CSF3: variants seen among roughly 807,000 people sequenced by gnomAD.
CSF3 encodes the protein colony stimulating factor 3, also known as granulocyte colony-stimulating factor.
CSF3 carries 17 observed loss-of-function variants against 20.2 expected under a neutral mutation model. The observed-to-expected ratio is 0.84, with a 90% CI of 0.58 to 1.26. CSF3 has a LOEUF of 1.26. Among genes scored for constraint, CSF3 ranks in the 50% most tolerant of loss-of-function variants. CSF3 has a pLI of 0.00. For missense variants in CSF3, 210 were observed against 256.0 expected (o/e 0.82, Z 1.23); for synonymous variants, 125 against 115.3 (o/e 1.08, Z -0.54).
At chr17:40,015,984 G>T in intron 2 of CSF3, 139 bp downstream of exon 2, 1 of 1,315,464 alleles carries the variant, frequency 7.6e-7, no homozygotes, top group Non-Finnish European at 1.0e-6. Context: ...GCTGGGAAGG[G>T]ACTTGGGGAG....
chr17:40,016,790 C>G lies in CSF3; in HGVS notation c.451-5C>G, dbSNP rs202204611. The G allele has an allele frequency of 1.8e-4, 291 of 1,612,922 alleles. No individual in the cohort carries two copies. The highest frequency in any genetic ancestry group is 2.3e-4 in the Non-Finnish European group (268 of 1,180,032). On this transcript the variant is annotated splice_region_variant and splice_polypyrimidine_tract_variant and intron_variant, in intron 4 of 4. Coordinates refer to ENST00000394149, the MANE Select transcript of CSF3 (RefSeq NM_172219.3). ...CCAACCACTGATCACAGCTTTCCCC[C>G]ACAGATGGAAGAACTGGGAATGGCC...
chr17:40,016,379 A>G, intron 3 of CSF3, 39 bp downstream of exon 3: 1 of 1,604,206 alleles, frequency 6.2e-7, no homozygotes, highest in Non-Finnish European at 8.5e-7. Flanking sequence ...GAGGAGGGGG[A>G]AGGAGAGGAG....
chr17:40,015,600 T>C, intron 1 of CSF3, 86 bp downstream of exon 1: 1 of 1,547,090 alleles, frequency 6.5e-7, no homozygotes. Flanking sequence ...GGATCCCCGT[T>C]CTGGGAATGG....
In CSF3 at chr17:40,017,071, T is replaced by C; in HGVS notation, c.*112T>C. 1 of 1,042,100 alleles carries C rather than the reference T, an allele frequency of 9.6e-7. No homozygotes were observed. The highest frequency in any genetic ancestry group is 1.3e-6 in the Non-Finnish European group (1 of 753,456). The allele number at this position is 1,042,100 out of a possible 1,614,324, so 64.6% of individuals were successfully genotyped here. The stretch of plus-strand genomic sequence containing the variant: ...ACGGAGCCCCAGGCCTCTGTGTCCT[T>C]CCCTGCATTTCTGAGTTTCATTCTC... On this transcript the variant is annotated 3_prime_UTR_variant, in exon 5 of 5. Transcript: ENST00000394149.
At position 40,015,444 on chromosome 17, in the gene CSF3, C is replaced by A. The variant is rs577491415; in HGVS notation, c.-31C>A. On this transcript the variant is annotated 5_prime_UTR_variant, in exon 1 of 5. Transcript: ENST00000394149. Reference sequence around the variant, plus strand: ...CCTAGAGCTGGGCCCCAAAACAGCCCGGAGCCTGCAGCCCAGCCCCACCCA... The same window carrying A: ...CCTAGAGCTGGGCCCCAAAACAGCCAGGAGCCTGCAGCCCAGCCCCACCCA... 3 of 1,547,500 alleles carry A rather than the reference C, an allele frequency of 1.9e-6. No homozygotes were observed. In the African/African-American group the frequency reaches 4.1e-5, roughly 21 times the overall value.
Position 40,016,572 on chromosome 17 carries a change from C to G in CSF3, c.391C>G (p.Pro131Ala), listed in dbSNP as rs987955582. The G allele has an allele frequency of 1.2e-6, 2 of 1,614,170 alleles. No individual in the cohort carries two copies. The highest frequency in any genetic ancestry group is 2.7e-5 in the African/African-American group (2 of 75,052). The part of the protein sequence containing the change: ...ALEGISPELG[P>A]TLDTLQLDVA... Reference sequence around the variant, plus strand: ...GGAAGGGATCTCCCCCGAGTTGGGTCCCACCTTGGACACACTGCAGCTGGA... The same window carrying G: ...GGAAGGGATCTCCCCCGAGTTGGGTGCCACCTTGGACACACTGCAGCTGGA... Residue 131 changes from proline to alanine, a missense_variant, in exon 4 of 5, where the codon CCC becomes GCC. Physicochemically the swap from Pro to Ala is conservative, Grantham distance 27. Transcript: ENST00000394149.
At chr17:40,015,970 G>C in intron 2 of CSF3, 125 bp downstream of exon 2, 1 of 1,371,184 alleles carries the variant, frequency 7.3e-7, no homozygotes, top group Non-Finnish European at 9.8e-7. Flanking sequence ...TGGAGCTGGG[G>C]AAGGCTGGGA....
In CSF3 at chr17:40,016,531, G is replaced by T; in HGVS notation, c.350G>T (p.Gly117Val). The T allele has an allele frequency of 6.2e-7, 1 of 1,614,182 alleles. No homozygotes were observed. Among genetic ancestry groups the T allele is most frequent in the Non-Finnish European group, 8.5e-7 (1 of 1,180,020 alleles). The part of the protein sequence containing the change: ...QLHSGLFLYQ[G>V]LLQALEGISP... ...CATAGCGGCCTTTTCCTCTACCAGGGGCTCCTGCAGGCCCTGGAAGGGATC... is the reference window on the plus strand; with the variant it reads ...CATAGCGGCCTTTTCCTCTACCAGGTGCTCCTGCAGGCCCTGGAAGGGATC... Residue 117 changes from glycine (G) to valine (V), a missense_variant, in exon 4 of 5, where the codon GGG (glycine) becomes GTG (valine). By Grantham distance (109) the Gly-to-Val change is moderately radical. Transcript: ENST00000394149.
chr17:40,016,490 C>G lies in CSF3; in HGVS notation c.309C>G (p.Gly103=), dbSNP rs752567650. ...SCPSQALQLA[G]CLSQLHSGLF... The stretch of plus-strand genomic sequence containing the variant: ...TCTTCCGCTCTGTCTCACAGGCAGG[C>G]TGCTTGAGCCAACTCCATAGCGGCC... Residue 103 remains glycine (G), a synonymous_variant, in exon 4 of 5, where the codon GGC becomes GGG. Transcript: ENST00000394149. The G allele has an allele frequency of 2.5e-6, 4 of 1,614,164 alleles. No homozygotes were observed. The highest frequency in any genetic ancestry group is 2.2e-5 in the South Asian group (2 of 91,090).
rs142286142 is a variant in CSF3, at chr17:40,016,567, T to C, written c.386T>C (p.Leu129Ser). The C allele has an allele frequency of 1.2e-3, 1,902 of 1,614,192 alleles. 1 individual carries two copies. Among genetic ancestry groups the C allele is most frequent in the Non-Finnish European group, 1.5e-3 (1,807 of 1,180,024 alleles). ...GCCCTGGAAGGGATCTCCCCCGAGT[T>C]GGGTCCCACCTTGGACACACTGCAG... is the stretch of plus-strand genomic sequence containing the variant. ...LQALEGISPE[L>S]GPTLDTLQLD... The change falls in exon 4 of 5, where the codon TTG (leucine) becomes TCG (serine). Residue 129 changes from leucine to serine, a missense_variant. Coordinates refer to ENST00000394149, the MANE Select transcript of CSF3 (RefSeq NM_172219.3).
chr17:40,015,517 G>A lies in CSF3; in HGVS notation c.40+3G>A, dbSNP rs1438127673. 3.2e-6 allele frequency: 5 copies of A among 1,551,130 alleles called. No individual in the cohort carries two copies. In the South Asian group the frequency reaches 3.6e-5, roughly 11 times the overall value. The stretch of plus-strand genomic sequence containing the variant: ...CCAGAGCCCCATGAAGCTGATGGGT[G>A]AGTGTCTTGGCCCAGGATGGGAGAG... On this transcript the variant is annotated splice_donor_region_variant and intron_variant, in intron 1 of 4. Coordinates refer to ENST00000394149, the MANE Select transcript of CSF3 (RefSeq NM_172219.3).
Position 40,016,332 on chromosome 17 carries a change from C to G in CSF3, c.295C>G (p.Leu99Val). The change falls in exon 3 of 5, where the codon CTG becomes GTG. Residue 99 changes from leucine to valine, a missense_variant. Physicochemically the swap from Leu to Val is conservative, Grantham distance 32. Coordinates refer to ENST00000394149, the MANE Select transcript of CSF3 (RefSeq NM_172219.3). ...APLSSCPSQA[L>V]QLAGCLSQLH... ...CCTGAGCAGCTGCCCCAGCCAGGCC[C>G]TGCAGCTGGTGAGTGTCAGGAAAGG... 13 of 1,612,616 alleles carry G rather than the reference C, an allele frequency of 8.1e-6. No homozygotes were observed. Among genetic ancestry groups the G allele is most frequent in the Non-Finnish European group, 1.1e-5 (13 of 1,179,216 alleles).
Position 40,017,438 on chromosome 17 carries a change from GC to G in CSF3, c.*480del, listed in dbSNP as rs1025437804. The G allele has an allele frequency of 1.3e-5, 2 of 153,476 alleles. No homozygotes were observed. The highest frequency in any genetic ancestry group is 4.8e-5 in the African/African-American group (2 of 41,508). The allele number at this position is 153,476 out of a possible 1,614,324, so 9.5% of individuals were successfully genotyped here. A position where few individuals can be genotyped will look rare whatever the true frequency, so the allele number is the denominator to read the frequency against. ...CCCTGGACAAGCAGAGGTGGCCAGA[GC>G]TGGGAGGCATGGCCCTGGGGTCCCA... On this transcript the variant is annotated 3_prime_UTR_variant, in exon 5 of 5. Transcript: ENST00000394149.
rs115072936 is a variant in CSF3 at position 40,015,592 on chromosome 17, A to G, written c.40+78A>G. On this transcript the variant is annotated intron_variant, in intron 1 of 4. Coordinates refer to ENST00000394149, the MANE Select transcript of CSF3 (RefSeq NM_172219.3). ...GGCTGGTGTGACAGAGGGGCTGGGG[A>G]TCCCCGTTCTGGGAATGGGGATTAA... 8.5e-4 allele frequency: 1,316 copies of G among 1,547,364 alleles called. 12 individuals carry two copies. The African/African-American group carries it at 0.016, about 19-fold the overall frequency.
rs750551936 is a variant in CSF3, at chr17:40,015,801, G to C, written c.151G>C (p.Val51Leu). 5.6e-6 allele frequency: 9 copies of C among 1,612,014 alleles called. No individual in the cohort carries two copies. Among genetic ancestry groups the C allele is most frequent in the Non-Finnish European group, 7.6e-6 (9 of 1,179,104 alleles). Residue 51 changes from valine to leucine, a missense_variant, in exon 2 of 5, where the codon GTG becomes CTG. Val to Leu is a conservative substitution (Grantham distance 32). Coordinates refer to ENST00000394149, the MANE Select transcript of CSF3 (RefSeq NM_172219.3). Reference sequence around the variant, plus strand: ...CTTCCTGCTCAAGTGCTTAGAGCAAGTGAGGAAGATCCAGGGCGATGGCGC... The same window carrying C: ...CTTCCTGCTCAAGTGCTTAGAGCAACTGAGGAAGATCCAGGGCGATGGCGC... ...QSFLLKCLEQ[V>L]RKIQGDGAAL...
chr17:40,016,096 G>A (rs1981364403), intron 2 of CSF3, 137 bp from the exon 3 acceptor site: 1 of 812,646 alleles, frequency 1.2e-6, no homozygotes, highest in Non-Finnish European at 1.9e-6. Flanking sequence ...ATCAGAGAGT[G>A]GGGGTGCAGG....
In CSF3 at chr17:40,016,359, T is replaced by C; in HGVS notation, c.303+19T>C. 1 of 1,611,110 alleles carries C rather than the reference T, an allele frequency of 6.2e-7. No individual in the cohort carries two copies. Among genetic ancestry groups the C allele is most frequent in the Non-Finnish European group, 8.5e-7 (1 of 1,178,110 alleles). On this transcript the variant is annotated intron_variant, in intron 3 of 4. Coordinates refer to ENST00000394149, the MANE Select transcript of CSF3 (RefSeq NM_172219.3). The stretch of plus-strand genomic sequence containing the variant: ...GCAGCTGGTGAGTGTCAGGAAAGGA[T>C]AAGGCTAATGAGGAGGGGGAAGGAG...
rs752763892 is a variant in CSF3, at chr17:40,016,987, A to C, written c.*28A>C. The C allele has an allele frequency of 4.6e-6, 7 of 1,523,116 alleles. No individual in the cohort carries two copies. The highest frequency in any genetic ancestry group is 4.4e-6 in the Non-Finnish European group (5 of 1,136,998). 94.4% of individuals were successfully genotyped at this position (1,523,116 alleles called of 1,614,324 possible). A position where few individuals can be genotyped will look rare whatever the true frequency, so the allele number is the denominator to read the frequency against. ...CAAGCCCTCCCCATCCCATGTATTT[A>C]TCTCTATTTAATATTTATGTCTATT... On this transcript the variant is annotated 3_prime_UTR_variant, in exon 5 of 5. Coordinates refer to ENST00000394149, the MANE Select transcript of CSF3 (RefSeq NM_172219.3).
At chr17:40,016,760 A>G in intron 4 of CSF3, 35 bp from the exon 5 acceptor site, 1 of 1,612,934 alleles carries the variant, frequency 6.2e-7, no homozygotes, top group South Asian at 1.1e-5. Flanking sequence ...CCCACTCAGA[A>G]GGGCCCAACC....
Sources: gnomAD v4.1 joint callset for allele counts on GRCh38, gnomAD v4.1.1 for gene constraint, MANE v1.5 for transcripts, NCBI Gene and HGNC (gene_info 2026-07-23, HGNC 2026-07-21) for gene names.